PARP8: variants seen among roughly 807,000 people sequenced by gnomAD.
PARP8 encodes the protein poly(ADP-ribose) polymerase family member 8.
PARP8 carries 51 observed loss-of-function variants against 124.1 expected under a neutral mutation model. The observed-to-expected ratio is 0.41, with a 90% CI of 0.33 to 0.52. PARP8 has a LOEUF of 0.52. Ranked by LOEUF, PARP8 falls within the 20% of genes least tolerant of loss-of-function variation. The probability of loss-of-function intolerance (pLI) is 0.21; values close to 1 mark genes in which losing one functional copy is unlikely to be tolerated. For synonymous variants in PARP8, 391 were observed against 361.5 expected (o/e 1.08, Z -0.93); for missense variants, 860 against 1,018.9 (o/e 0.84, Z 2.12).
intron 2 of PARP8, among the ~76,000 whole-genome samples, chr5:50,689,621 G>C (rs1402292032): frequency 6.6e-6 from 1 of 152,180 alleles, no homozygotes; most frequent in Admixed American, 6.5e-5. Flanking sequence ...TGACTGTAAG[G>C]GTTGCAGTGA....
intron 7 of PARP8, among the ~76,000 whole-genome samples, chr5:50,774,540 GCTC>G (rs1393406544): frequency 7.3e-6 from 1 of 136,780 alleles, no homozygotes; most frequent in African/African-American, 2.8e-5. Flanking sequence ...GGGCAGAGGC[GCTC>G]CTCATTTCCC....
At chr5:50,841,259 A>G (rs1748146529) in intron 25 of PARP8, among the ~76,000 whole-genome samples, 1 of 151,856 alleles carries the variant, frequency 6.6e-6, no homozygotes, top group Admixed American at 6.6e-5. Context: ...TTCTTAAGAA[A>G]TTCTTATTGC....
intron 2 of PARP8, among the ~76,000 whole-genome samples, chr5:50,746,190 G>T (rs1262298914): frequency 6.6e-6 from 1 of 152,076 alleles, no homozygotes; most frequent in Non-Finnish European, 1.5e-5. Context: ...CATAATCTCT[G>T]ATTCCATTTA....
intron 2 of PARP8, among the ~76,000 whole-genome samples, chr5:50,705,688 G>A (rs2149481559): frequency 6.6e-6 from 1 of 152,202 alleles, no homozygotes. Flanking sequence ...GGGAGGCTGA[G>A]GCATGAGAGT....
intron 3 of PARP8, among the ~76,000 whole-genome samples, chr5:50,751,306 A>G (rs113489035): frequency 4.6e-5 from 7 of 152,268 alleles, no homozygotes; most frequent in African/African-American, 1.4e-4. Context: ...ATGCCAATAT[A>G]CAAACATTGA....
At chr5:50,762,949 A>G (rs1167363800) in intron 6 of PARP8, among the ~76,000 whole-genome samples, 199 bp from the exon 7 acceptor site, 1 of 152,198 alleles carries the variant, frequency 6.6e-6, no homozygotes, top group Non-Finnish European at 1.5e-5. Flanking sequence ...TCTTTGTATT[A>G]ATATAAACTA....
At chr5:50,813,319 A>C (rs1744695990) in intron 14 of PARP8, among the ~76,000 whole-genome samples, 1 of 152,052 alleles carries the variant, frequency 6.6e-6, no homozygotes, top group East Asian at 1.9e-4. Flanking sequence ...ATCCCTTGTA[A>C]GTTGGATTCC....
At chr5:50,811,732 C>G (rs2149682995) in intron 14 of PARP8, among the ~76,000 whole-genome samples, 1 of 152,188 alleles carries the variant, frequency 6.6e-6, no homozygotes, top group South Asian at 2.1e-4. Flanking sequence ...AATGCTATCC[C>G]TCCCCCATCC....
intron 2 of PARP8, among the ~76,000 whole-genome samples, chr5:50,709,118 A>C (rs1754459292): frequency 6.6e-6 from 1 of 151,910 alleles, no homozygotes; most frequent in Non-Finnish European, 1.5e-5. Flanking sequence ...ATCTTTGATA[A>C]TATTCTCTTA....
chr5:50,826,811 G>GTTTT lies in PARP8; in HGVS notation c.1977+19_1977+22dup. ...AAACTGCCAGTTAACAGGGTAAGTT[G>GTTTT]TTTTTTTTTTTTTTACATATGCATA... is the stretch of plus-strand genomic sequence containing the variant. On this transcript the variant is annotated intron_variant, in intron 19 of 25. Transcript: ENST00000281631. 1.4e-6 allele frequency: 2 copies of GTTTT among 1,427,898 alleles called. No individual in the cohort carries two copies. The highest frequency in any genetic ancestry group is 1.3e-5 in the South Asian group (1 of 76,216). The allele number at this position is 1,427,898 out of a possible 1,614,324, so 88.5% of individuals were successfully genotyped here.
At chr5:50,764,416 A>G (rs541561968) in intron 7 of PARP8, among the ~76,000 whole-genome samples, 1 of 152,334 alleles carries the variant, frequency 6.6e-6, no homozygotes, top group Admixed American at 6.5e-5. Flanking sequence ...GGACATATGC[A>G]TATTTTGAGA....
rs569232455 is a variant in PARP8, at chr5:50,767,571, T to A, written c.518+4329T>A. On this transcript the variant is annotated intron_variant, in intron 7 of 25. Coordinates refer to ENST00000281631, the MANE Select transcript of PARP8 (RefSeq NM_024615.4). ...GAAGATTTTTAAGCTGACTGCAGAG[T>A]TGTAGCAGTTGTTTATACTGTACCT... 1.1e-4 allele frequency among the ~76,000 whole-genome samples: 17 copies of A among 152,322 alleles called. No homozygotes were observed. The East Asian group carries it at 3.3e-3, about 29-fold the overall frequency.
intron 7 of PARP8, among the ~76,000 whole-genome samples, chr5:50,771,453 C>T (rs1308706103): frequency 6.6e-6 from 1 of 152,196 alleles, no homozygotes; most frequent in Non-Finnish European, 1.5e-5. Flanking sequence ...GCCACTGCGC[C>T]CAACCAATGT....
At chr5:50,729,108 A>G (rs1756723315) in intron 2 of PARP8, among the ~76,000 whole-genome samples, 1 of 152,116 alleles carries the variant, frequency 6.6e-6, no homozygotes, top group Admixed American at 6.6e-5. Flanking sequence ...AATCTCATTC[A>G]CCTAACAAAA....
At chr5:50,739,819 G>A (rs1484568515) in intron 2 of PARP8, among the ~76,000 whole-genome samples, 1 of 139,314 alleles carries the variant, frequency 7.2e-6, no homozygotes, top group East Asian at 2.2e-4. Flanking sequence ...CTCTGATCTC[G>A]GCTCACTGCA....
At chr5:50,835,769 G>T (rs907403083) in intron 25 of PARP8, among the ~76,000 whole-genome samples, 10 of 150,692 alleles carry the variant, frequency 6.6e-5, no homozygotes, top group South Asian at 2.1e-4. Context: ...TCAATGTGGG[G>T]TTTTTTTTTG....
chr5:50,681,827 C>T (rs1751326744), intron 2 of PARP8, among the ~76,000 whole-genome samples: 1 of 152,106 alleles, frequency 6.6e-6, no homozygotes, highest in African/African-American at 2.4e-5. Flanking sequence ...CTCATCTCTA[C>T]TTTGTCCTGT....
Position 50,824,889 on chromosome 5 carries a change from TATA to T in PARP8, c.1861-16_1861-14del, listed in dbSNP as rs1746173021. The T allele has an allele frequency of 1.9e-6, 3 of 1,602,554 alleles. No homozygotes were observed. The Admixed American group carries it at 5.0e-5, about 27-fold the overall frequency. ...TGAATTTTTATGAAAAATCAAGAAG[TATA>T]ATGACTTTTTTTCAGGCACCATATC... is the stretch of plus-strand genomic sequence containing the variant. On this transcript the variant is annotated splice_polypyrimidine_tract_variant and intron_variant, in intron 17 of 25. Coordinates refer to ENST00000281631, the MANE Select transcript of PARP8 (RefSeq NM_024615.4).
intron 5 of PARP8, 30 bp downstream of exon 5, chr5:50,760,392 A>T: frequency 1.4e-6 from 2 of 1,435,798 alleles, no homozygotes; most frequent in Non-Finnish European, 1.9e-6. Flanking sequence ...TATTTTCTTG[A>T]AACAGTATAG....
Sources: gnomAD v4.1 joint callset for allele counts (sites outside exome capture counted in the v4.1 genomes callset) on GRCh38, gnomAD v4.1.1 for gene constraint, MANE v1.5 for transcripts, NCBI Gene and HGNC (gene_info 2026-07-23, HGNC 2026-07-21) for gene names.